LRRC4C: variants seen among roughly 807,000 people sequenced by gnomAD.
The protein encoded by LRRC4C is leucine-rich repeat-containing protein 4C.
Under a neutral mutation model 33.6 loss-of-function variants are expected in LRRC4C, and 5 were observed. The ratio of observed to expected loss-of-function variants is 0.15; its 90% CI spans 0.08 to 0.31. The LOEUF (loss-of-function observed/expected upper bound fraction) is 0.31, where lower values mean the gene tolerates loss of function less well. Among genes scored for constraint, LRRC4C ranks in the 10% least tolerant of loss-of-function variants. LRRC4C has a pLI of 1.00. For synonymous variants in LRRC4C, 329 were observed against 302.0 expected, an observed-to-expected ratio of 1.09 and a Z score of -0.93; for missense variants, 560 against 796.7, an observed-to-expected ratio of 0.70 and a Z score of 3.58.
chr11:40,665,533 C>T (rs1943759081), intron 2 of LRRC4C, among the ~76,000 whole-genome samples: 1 of 151,242 alleles, frequency 6.6e-6, no homozygotes, highest in South Asian at 2.1e-4. Flanking sequence ...ATGACTCTTT[C>T]AGAGAATCAC....
At chr11:40,218,835 T>G (rs1488471075) in intron 5 of LRRC4C, among the ~76,000 whole-genome samples, 1 of 151,690 alleles carries the variant, frequency 6.6e-6, no homozygotes, top group African/African-American at 2.4e-5. Flanking sequence ...CTCCTACCTT[T>G]CTCCACACAC....
intron 3 of LRRC4C, among the ~76,000 whole-genome samples, chr11:40,429,950 CATT>C (rs1565379304): frequency 6.6e-6 from 1 of 152,070 alleles, no homozygotes; most frequent in Non-Finnish European, 1.5e-5. Flanking sequence ...ACATTATTCT[CATT>C]AGTTTCAAAG....
intron 1 of LRRC4C, among the ~76,000 whole-genome samples, chr11:41,342,044 T>G (rs1951658219): frequency 1.3e-5 from 2 of 151,492 alleles, no homozygotes; most frequent in South Asian, 4.1e-4. Flanking sequence ...CAAAGTCACA[T>G]TCCAAAAACA....
At chr11:40,640,335 C>T (rs11035983) in intron 3 of LRRC4C, among the ~76,000 whole-genome samples, 67,385 of 151,986 alleles carry the variant, frequency 0.44, 16,708 homozygotes, top group East Asian at 0.61. Context: ...CCTATTTTGT[C>T]TTACTGCGCT....
At chr11:41,213,809 A>G (rs1255992529) in intron 1 of LRRC4C, among the ~76,000 whole-genome samples, 1 of 152,212 alleles carries the variant, frequency 6.6e-6, no homozygotes, top group East Asian at 1.9e-4. Flanking sequence ...AATCAGACAT[A>G]GACTGAATTA....
intron 5 of LRRC4C, among the ~76,000 whole-genome samples, chr11:40,216,367 G>A (rs16934442): frequency 0.068 from 10,276 of 152,112 alleles, 1,137 homozygotes; most frequent in African/African-American, 0.23. Flanking sequence ...ATACTTGTAC[G>A]TAACCAAGAC....
intron 2 of LRRC4C, among the ~76,000 whole-genome samples, chr11:40,673,462 A>G (rs1944234218): frequency 6.6e-6 from 1 of 152,210 alleles, no homozygotes; most frequent in Admixed American, 6.6e-5. Context: ...TCACTAGCTT[A>G]TAAACCCCAG....
rs60307580 is a variant in LRRC4C, at chr11:40,860,777, C to CTTTTTTTTTTTTTTTTTT, written c.-407+72840_-407+72857dup. ...ATTCTGATGTTCCAGGGCTTAGGAT[C>CTTTTTTTTTTTTTTTTTT]TTTTTTTTTTTTTTTTTTTTTTTTT... On this transcript the variant is annotated intron_variant, in intron 2 of 6. Transcript: ENST00000528697. Among the ~76,000 whole-genome samples, 2 of 43,226 alleles carry CTTTTTTTTTTTTTTTTTT rather than the reference C, an allele frequency of 4.6e-5. 1 individual carries two copies. Among genetic ancestry groups the CTTTTTTTTTTTTTTTTTT allele is most frequent in the African/African-American group, 1.8e-4 (2 of 11,188 alleles). The allele number at this position is 43,226 out of a possible 152,430, so 28.4% of individuals were successfully genotyped here. A position where few individuals can be genotyped will look rare whatever the true frequency, so the allele number is the denominator to read the frequency against.
At chr11:40,784,453 C>T (rs1950330377) in intron 2 of LRRC4C, among the ~76,000 whole-genome samples, 1 of 152,054 alleles carries the variant, frequency 6.6e-6, no homozygotes, top group African/African-American at 2.4e-5. Context: ...GCAAAATAGT[C>T]AATATGAGGT....
intron 4 of LRRC4C, among the ~76,000 whole-genome samples, chr11:40,242,310 C>T (rs1359070358): frequency 1.3e-5 from 2 of 152,160 alleles, no homozygotes; most frequent in Non-Finnish European, 2.9e-5. Context: ...GCTTTAACTA[C>T]ATTTACTTAT....
chr11:41,384,715 C>G (rs1384778337), intron 1 of LRRC4C, among the ~76,000 whole-genome samples: 1 of 150,918 alleles, frequency 6.6e-6, no homozygotes, highest in Admixed American at 6.6e-5. Flanking sequence ...TCGGTTGATT[C>G]AAAAGCCCCT....
intron 1 of LRRC4C, among the ~76,000 whole-genome samples, chr11:41,113,813 T>A (rs1941975584): frequency 6.6e-6 from 1 of 151,986 alleles, no homozygotes; most frequent in Admixed American, 6.6e-5. Context: ...TCTGCATACA[T>A]CCTTTCATGA....
chr11:41,229,236 A>G (rs1307962960), intron 1 of LRRC4C, among the ~76,000 whole-genome samples: 1 of 152,144 alleles, frequency 6.6e-6, no homozygotes, highest in Non-Finnish European at 1.5e-5. Flanking sequence ...CAATGTGCAC[A>G]CATAGAGACA....
chr11:40,395,105 C>T (rs1455654222), intron 3 of LRRC4C, among the ~76,000 whole-genome samples: 1 of 152,106 alleles, frequency 6.6e-6, no homozygotes, highest in Non-Finnish European at 1.5e-5. Flanking sequence ...TCACACATAT[C>T]TTTAAACAAT....
intron 1 of LRRC4C, among the ~76,000 whole-genome samples, chr11:40,989,938 A>G (rs1853390621): frequency 6.6e-6 from 1 of 151,932 alleles, no homozygotes; most frequent in Non-Finnish European, 1.5e-5. Flanking sequence ...TAGTATTTAT[A>G]TTGTGTTAGG....
intron 4 of LRRC4C, among the ~76,000 whole-genome samples, chr11:40,256,383 G>T (rs1369496750): frequency 6.6e-6 from 1 of 152,122 alleles, no homozygotes; most frequent in Non-Finnish European, 1.5e-5. Context: ...TGTGGGGAGT[G>T]TTGGGAAGAA....
chr11:40,597,550 T>C (rs1959478811), intron 3 of LRRC4C, among the ~76,000 whole-genome samples: 1 of 152,182 alleles, frequency 6.6e-6, no homozygotes, highest in Non-Finnish European at 1.5e-5. Context: ...TAGTCACATG[T>C]GTATGCATAA....
chr11:41,291,960 A>G (rs146645298), intron 1 of LRRC4C, among the ~76,000 whole-genome samples: 45 of 152,318 alleles, frequency 3.0e-4, no homozygotes, highest in African/African-American at 1.1e-3. Flanking sequence ...TGATGTACAT[A>G]TTAGTATTGC....
At chr11:40,647,712 G>A (rs570351637) in intron 3 of LRRC4C, among the ~76,000 whole-genome samples, 74 of 152,268 alleles carry the variant, frequency 4.9e-4, no homozygotes, top group Non-Finnish European at 9.4e-4. Context: ...CCATATTAAT[G>A]ATTGAACCAC....
Sources: gnomAD v4.1 joint callset for allele counts (sites outside exome capture counted in the v4.1 genomes callset) on GRCh38, gnomAD v4.1.1 for gene constraint, MANE v1.5 for transcripts, NCBI Gene and HGNC (gene_info 2026-07-23, HGNC 2026-07-21) for gene names.